Variants in PSD3 observed in about 807,000 individuals in gnomAD.
PSD3 encodes the protein pleckstrin and Sec7 domain containing 3.
Under a neutral mutation model 105.5 loss-of-function variants are expected in PSD3, and 49 were observed. The ratio of observed to expected loss-of-function variants is 0.46; its 90% CI spans 0.37 to 0.59. PSD3 has a LOEUF of 0.59. PSD3 is among the 20% of genes least tolerant of loss of function. The pLI is 0.00. For synonymous variants in PSD3, 557 were observed against 457.8 expected (o/e 1.22, Z -2.77); for missense variants, 1,561 against 1,263.8 (o/e 1.24, Z -3.57).
intron 9 of PSD3, among the ~76,000 whole-genome samples, chr8:18,714,780 G>T (rs1032922233): frequency 3.9e-5 from 6 of 152,166 alleles, no homozygotes; most frequent in Non-Finnish European, 8.8e-5. Context: ...CCATTACTGG[G>T]TATATACCCA....
At chr8:18,733,422 C>G (rs4621846) in intron 9 of PSD3, 143,817 of 152,748 alleles carry the variant, frequency 0.94, 67,783 homozygotes, top group Middle Eastern at 0.96. Flanking sequence ...TGCACTAAAA[C>G]TGCAATGCTG....
At chr8:18,630,889 G>C (rs1434845731) in intron 11 of PSD3, among the ~76,000 whole-genome samples, 1 of 151,684 alleles carries the variant, frequency 6.6e-6, no homozygotes, top group East Asian at 1.9e-4. Flanking sequence ...TCCAGAGACA[G>C]TTTAAAGTAT....
At chr8:18,854,735 G>C (rs1256979605) in intron 4 of PSD3, among the ~76,000 whole-genome samples, 2 of 152,158 alleles carry the variant, frequency 1.3e-5, no homozygotes, top group African/African-American at 4.8e-5. Context: ...ATTCACACTT[G>C]ACTGAAATAG....
intron 1 of PSD3, among the ~76,000 whole-genome samples, chr8:18,956,519 G>A (rs67340643): frequency 0.39 from 59,553 of 151,996 alleles, 11,848 homozygotes; most frequent in Non-Finnish European, 0.41. Flanking sequence ...TTAGTTGGTA[G>A]TCAATTTAAG....
At chr8:18,633,302 C>T (rs529768852) in intron 10 of PSD3, among the ~76,000 whole-genome samples, 96 of 151,924 alleles carry the variant, frequency 6.3e-4, no homozygotes, top group Non-Finnish European at 9.7e-4. Context: ...AAACAATATC[C>T]CCCAAATAAC....
chr8:18,837,611 A>G (rs559293048), intron 4 of PSD3, among the ~76,000 whole-genome samples: 43 of 152,232 alleles, frequency 2.8e-4, no homozygotes, highest in Admixed American at 6.5e-4. Flanking sequence ...AAAAGATGAT[A>G]AATGTAGATA....
At chr8:18,976,311 A>G (rs1824941604) in intron 1 of PSD3, among the ~76,000 whole-genome samples, 1 of 152,246 alleles carries the variant, frequency 6.6e-6, no homozygotes, top group East Asian at 1.9e-4. Flanking sequence ...GTATAACCTT[A>G]TTATTAAATA....
At chr8:18,653,618 G>C (rs1265554625) in intron 10 of PSD3, among the ~76,000 whole-genome samples, 1 of 152,130 alleles carries the variant, frequency 6.6e-6, no homozygotes, top group Non-Finnish European at 1.5e-5. Flanking sequence ...CCAGGCTTCT[G>C]AACAAGATGC....
At chr8:18,978,846 C>T (rs932870600) in intron 1 of PSD3, among the ~76,000 whole-genome samples, 2 of 152,066 alleles carry the variant, frequency 1.3e-5, no homozygotes, top group African/African-American at 4.8e-5. Context: ...AACCTCTCTC[C>T]CTTCCTCTCT....
intron 9 of PSD3, among the ~76,000 whole-genome samples, chr8:18,737,930 G>A (rs1804275650): frequency 6.6e-6 from 1 of 152,150 alleles, no homozygotes; most frequent in Admixed American, 6.5e-5. Context: ...AGGAGGCAGA[G>A]GCTCCCTCTA....
chr8:18,611,832 G>C (rs1805288867), intron 11 of PSD3, among the ~76,000 whole-genome samples: 2 of 152,136 alleles, frequency 1.3e-5, no homozygotes, highest in African/African-American at 4.8e-5. Flanking sequence ...CTGATTGTTT[G>C]TCTGATTATA....
chr8:18,871,604 C>A (rs767614787), intron 3 of PSD3, 22 bp downstream of exon 3: 2 of 1,566,498 alleles, frequency 1.3e-6, no homozygotes, highest in Admixed American at 1.9e-5. Flanking sequence ...TCTGAGACAG[C>A]AGGGCTACTA....
chr8:18,930,514 G>A (rs142847135), intron 2 of PSD3, among the ~76,000 whole-genome samples: 20 of 152,058 alleles, frequency 1.3e-4, no homozygotes, highest in African/African-American at 4.6e-4. Context: ...ATCAAGAAAT[G>A]GAATGGCCTA....
At chr8:18,651,589 T>C (rs1048087716) in intron 10 of PSD3, among the ~76,000 whole-genome samples, 1 of 152,184 alleles carries the variant, frequency 6.6e-6, no homozygotes, top group Non-Finnish European at 1.5e-5. Flanking sequence ...AATCCAGACA[T>C]GTATCATTTC....
chr8:18,990,761 C>G (rs1160708458), intron 1 of PSD3, among the ~76,000 whole-genome samples: 1 of 152,176 alleles, frequency 6.6e-6, no homozygotes, highest in African/African-American at 2.4e-5. Flanking sequence ...AATACCTTCT[C>G]CAGAGGCCTG....
intron 1 of PSD3, among the ~76,000 whole-genome samples, chr8:18,962,957 T>A (rs188580917): frequency 6.6e-6 from 1 of 152,300 alleles, no homozygotes; most frequent in Non-Finnish European, 1.5e-5. Flanking sequence ...TATGTATTAG[T>A]CCGTTTTCAC....
At chr8:18,833,131 C>A (rs748048713) in intron 4 of PSD3, among the ~76,000 whole-genome samples, 1 of 152,180 alleles carries the variant, frequency 6.6e-6, no homozygotes, top group Non-Finnish European at 1.5e-5. Context: ...ATAGCCTAGT[C>A]TAAGGACATC....
intron 2 of PSD3, among the ~76,000 whole-genome samples, chr8:18,924,195 A>G (rs1821214378): frequency 6.6e-6 from 1 of 152,194 alleles, no homozygotes; most frequent in African/African-American, 2.4e-5. Context: ...AGTTATAGTC[A>G]CTTCCTGGCC....
At chr8:18,668,032 C>T (rs1335997463) in intron 9 of PSD3, among the ~76,000 whole-genome samples, 2 of 152,200 alleles carry the variant, frequency 1.3e-5, no homozygotes, top group African/African-American at 4.8e-5. Flanking sequence ...CCGCAAGCTC[C>T]GCGCGCAACC....
Sources: gnomAD v4.1 joint callset for allele counts (sites outside exome capture counted in the v4.1 genomes callset) on GRCh38, gnomAD v4.1.1 for gene constraint, MANE v1.5 for transcripts, NCBI Gene and HGNC (gene_info 2026-07-23, HGNC 2026-07-21) for gene names.